The following PTPRO variants were observed in gnomAD, a reference collection of about 807,000 sequenced individuals.
PTPRO encodes protein tyrosine phosphatase receptor type O, also known as receptor-type tyrosine-protein phosphatase O.
PTPRO carries 62 observed loss-of-function variants against 145.2 expected under a neutral mutation model. That is an observed-to-expected ratio of 0.43 (90% CI 0.35 to 0.53). The LOEUF is 0.53. Ranked by LOEUF, PTPRO falls within the 20% of genes least tolerant of loss-of-function variation. The pLI is 0.01. For synonymous variants in PTPRO, 565 were observed against 514.7 expected, an observed-to-expected ratio of 1.10 and a Z score of -1.32; for missense variants, 1,345 against 1,482.7, an observed-to-expected ratio of 0.91 and a Z score of 1.53.
intron 1 of PTPRO, among the ~76,000 whole-genome samples, chr12:15,330,043 C>T (rs1226567376): frequency 6.6e-6 from 1 of 152,172 alleles, no homozygotes; most frequent in African/African-American, 2.4e-5. Flanking sequence ...GAGACTTCTA[C>T]ATGCTGAGCC....
Position 15,560,186 on chromosome 12 carries a change from C to A in PTPRO, c.2628-7C>A. The stretch of plus-strand genomic sequence containing the variant: ...TCTTTCCATCTGTTGTCTATTAATG[C>A]ACACAGGCGTAGGAGTATATTTGCT... On this transcript the variant is annotated splice_polypyrimidine_tract_variant and splice_region_variant and intron_variant, in intron 16 of 26. Transcript: ENST00000281171. 6 of 1,567,098 alleles carry A rather than the reference C, an allele frequency of 3.8e-6. No homozygotes were observed. In the Middle Eastern group the frequency reaches 1.0e-3, roughly 262 times the overall value.
At chr12:15,430,622 G>C (rs894137057) in intron 1 of PTPRO, among the ~76,000 whole-genome samples, 4 of 152,120 alleles carry the variant, frequency 2.6e-5, no homozygotes, top group Admixed American at 6.6e-5. Flanking sequence ...CAAAATTTCA[G>C]TTTGGCAGGA....
chr12:15,383,415 G>A (rs949506066), intron 1 of PTPRO, among the ~76,000 whole-genome samples: 3 of 152,126 alleles, frequency 2.0e-5, no homozygotes, highest in African/African-American at 7.2e-5. Flanking sequence ...CATGACTAAT[G>A]CTGCAGGGAA....
chr12:15,426,681 C>T (rs578044077), intron 1 of PTPRO, among the ~76,000 whole-genome samples: 22 of 152,092 alleles, frequency 1.4e-4, no homozygotes, highest in South Asian at 4.1e-4. Context: ...ATTGTGCTAC[C>T]TTCCTTGGTT....
At chr12:15,437,632 A>G (rs955723697) in intron 1 of PTPRO, among the ~76,000 whole-genome samples, 2 of 151,518 alleles carry the variant, frequency 1.3e-5, no homozygotes, top group Admixed American at 1.3e-4. Flanking sequence ...GGGTTGCACA[A>G]CCCCTTCTGT....
chr12:15,428,538 C>G (rs1459192670), intron 1 of PTPRO, among the ~76,000 whole-genome samples: 1 of 152,028 alleles, frequency 6.6e-6, no homozygotes, highest in Non-Finnish European at 1.5e-5. Context: ...ATTGTGCTTG[C>G]AACTTTTCTG....
chr12:15,412,984 G>A (rs148241783), intron 1 of PTPRO, among the ~76,000 whole-genome samples: 2 of 151,990 alleles, frequency 1.3e-5, no homozygotes, highest in East Asian at 3.9e-4. Flanking sequence ...GTAGAGATGG[G>A]GTTTCCCCAT....
At chr12:15,595,314 T>C (rs1944637635) in intron 26 of PTPRO, 3 of 448,726 alleles carry the variant, frequency 6.7e-6, no homozygotes, top group Non-Finnish European at 1.3e-5. Flanking sequence ...TTACCTCCAT[T>C]CCCTCTACCC....
chr12:15,436,478 C>A (rs1424380951), intron 1 of PTPRO, among the ~76,000 whole-genome samples: 1 of 152,130 alleles, frequency 6.6e-6, no homozygotes, highest in Non-Finnish European at 1.5e-5. Flanking sequence ...GTGAGTAGAG[C>A]CCCAGTATGT....
chr12:15,449,711 G>GA, intron 1 of PTPRO, among the ~76,000 whole-genome samples: 1 of 152,254 alleles, frequency 6.6e-6, no homozygotes, highest in South Asian at 2.1e-4. Context: ...TTTATACAAT[G>GA]AAAATAGTAT....
At chr12:15,405,036 T>C (rs1939607774) in intron 1 of PTPRO, among the ~76,000 whole-genome samples, 1 of 152,126 alleles carries the variant, frequency 6.6e-6, no homozygotes, top group Admixed American at 6.5e-5. Flanking sequence ...AAGGTGCTAA[T>C]CCCATGCATG....
At chr12:15,565,410 A>T in intron 17 of PTPRO, 183 bp from the exon 18 acceptor site, 3 of 503,058 alleles carry the variant, frequency 6.0e-6, no homozygotes, top group Non-Finnish European at 1.1e-5. Context: ...GTTTTAAAAA[A>T]TGAATCTGAA....
intron 1 of PTPRO, among the ~76,000 whole-genome samples, chr12:15,369,378 A>G (rs1043889093): frequency 6.6e-6 from 1 of 152,148 alleles, no homozygotes; most frequent in African/African-American, 2.4e-5. Flanking sequence ...CAGATGCATC[A>G]ACAATCAAAG....
At chr12:15,498,591 T>C (rs950066906) in intron 3 of PTPRO, among the ~76,000 whole-genome samples, 2 of 152,156 alleles carry the variant, frequency 1.3e-5, no homozygotes, top group African/African-American at 2.4e-5. Context: ...ATGAAATATA[T>C]GCAGTGAATT....
At chr12:15,551,266 G>A (rs1943450910) in intron 14 of PTPRO, among the ~76,000 whole-genome samples, 1 of 152,160 alleles carries the variant, frequency 6.6e-6, no homozygotes, top group African/African-American at 2.4e-5. Context: ...CTGTGGCACA[G>A]GTATTCTTCA....
intron 1 of PTPRO, among the ~76,000 whole-genome samples, chr12:15,464,270 T>C (rs1305015331): frequency 1.3e-5 from 2 of 152,184 alleles, no homozygotes; most frequent in African/African-American, 2.4e-5. Flanking sequence ...CACATTAACA[T>C]TGGTTTTTTC....
intron 9 of PTPRO, among the ~76,000 whole-genome samples, chr12:15,519,146 G>A (rs1040782084): frequency 3.9e-5 from 6 of 152,206 alleles, no homozygotes; most frequent in Non-Finnish European, 7.3e-5. Flanking sequence ...GAGGCAAAGA[G>A]GAGCAAGCCA....
intron 1 of PTPRO, among the ~76,000 whole-genome samples, chr12:15,377,151 T>G (rs1284007374): frequency 6.6e-6 from 1 of 152,096 alleles, no homozygotes; most frequent in Non-Finnish European, 1.5e-5. Flanking sequence ...AATTAAGTTG[T>G]TAAGTATAGT....
intron 1 of PTPRO, among the ~76,000 whole-genome samples, chr12:15,405,085 T>C (rs7138456): frequency 0.078 from 11,933 of 152,216 alleles, 541 homozygotes; most frequent in African/African-American, 0.12. Flanking sequence ...TTCCAAAAGC[T>C]CCACCTCCAA....
Sources: allele counts gnomAD v4.1 joint callset (sites outside exome capture counted in the v4.1 genomes callset), GRCh38; gene constraint gnomAD v4.1.1; transcripts MANE v1.5; gene names NCBI Gene and HGNC (gene_info 2026-07-23, HGNC 2026-07-21).